The following IL1RAPL1 variants were observed in gnomAD, a reference collection of about 807,000 sequenced individuals.
IL1RAPL1 encodes the protein interleukin 1 receptor accessory protein like 1, also known as interleukin-1 receptor accessory protein-like 1.
IL1RAPL1 carries 3 observed loss-of-function variants against 48.4 expected under a neutral mutation model. The ratio of observed to expected loss-of-function variants is 0.06; its 90% CI spans 0.03 to 0.16. IL1RAPL1 has a LOEUF of 0.16. IL1RAPL1 is among the 10% of genes least tolerant of loss of function. IL1RAPL1 has a pLI of 1.00. For missense variants in IL1RAPL1, 349 were observed against 530.6 expected (o/e 0.66, Z 3.36); for synonymous variants, 185 against 187.7 (o/e 0.99, Z 0.12).
intron 5 of IL1RAPL1, among the ~76,000 whole-genome samples, chrX:29,561,868 C>T (rs951776523): frequency 6.3e-5 from 7 of 111,084 alleles, no homozygotes; most frequent in African/African-American, 2.3e-4. Flanking sequence ...TAATGTCACT[C>T]TTCTCTGAAT....
At chrX:28,757,495 G>A (rs1936118500) in intron 1 of IL1RAPL1, among the ~76,000 whole-genome samples, 1 of 112,449 alleles carries the variant, frequency 8.9e-6, no homozygotes, top group Non-Finnish European at 1.9e-5. Context: ...CTCTTGTGCA[G>A]ACTTGGAAAG....
intron 6 of IL1RAPL1, among the ~76,000 whole-genome samples, chrX:29,889,629 A>C (rs1226025986): frequency 8.9e-6 from 1 of 112,006 alleles, no homozygotes; most frequent in Non-Finnish European, 1.9e-5. Flanking sequence ...GCGTCCATAC[A>C]TACATGTGTG....
At chrX:29,442,074 G>A (rs1465335405) in intron 5 of IL1RAPL1, among the ~76,000 whole-genome samples, 1 of 111,797 alleles carries the variant, frequency 8.9e-6, no homozygotes, top group African/African-American at 3.3e-5. Context: ...TTTATCCAAA[G>A]TTTTGTTTTT....
intron 6 of IL1RAPL1, among the ~76,000 whole-genome samples, chrX:29,823,871 A>G (rs947774321): frequency 2.7e-5 from 3 of 111,716 alleles, no homozygotes; most frequent in Non-Finnish European, 3.8e-5. Context: ...TCTGAAGAAC[A>G]GCTGCTCTAA....
At chrX:28,643,796 G>A (rs754958492) in intron 1 of IL1RAPL1, among the ~76,000 whole-genome samples, 1 of 111,938 alleles carries the variant, frequency 8.9e-6, no homozygotes, top group South Asian at 3.7e-4. Flanking sequence ...ACATCTGCCT[G>A]CTTTCCCTTC....
At chrX:29,752,152 C>G (rs1311323442) in intron 6 of IL1RAPL1, among the ~76,000 whole-genome samples, 2 of 98,720 alleles carry the variant, frequency 2.0e-5, no homozygotes, top group African/African-American at 7.4e-5. Flanking sequence ...TTTTAATGTA[C>G]TTTTATTGTA....
intron 5 of IL1RAPL1, among the ~76,000 whole-genome samples, chrX:29,562,078 A>G (rs1277546125): frequency 6.0e-5 from 5 of 83,161 alleles, no homozygotes; most frequent in African/African-American, 1.5e-4. Context: ...CTATCTATCT[A>G]TCTAATCTAT....
chrX:29,821,443 CTG>C (rs1476125363), intron 6 of IL1RAPL1, among the ~76,000 whole-genome samples: 2 of 98,790 alleles, frequency 2.0e-5, no homozygotes, highest in East Asian at 6.5e-4. Context: ...GAGCGAGACT[CTG>C]TCTCAAAAAT....
At chrX:29,692,965 C>T (rs1412223585) in intron 6 of IL1RAPL1, among the ~76,000 whole-genome samples, 1 of 111,855 alleles carries the variant, frequency 8.9e-6, no homozygotes, top group Admixed American at 9.5e-5. Flanking sequence ...CTCCAATATC[C>T]AGCCTGTCTT....
chrX:29,123,012 T>TATTG (rs1928827551), intron 2 of IL1RAPL1, among the ~76,000 whole-genome samples: 1 of 66,591 alleles, frequency 1.5e-5, no homozygotes, highest in East Asian at 4.8e-4. Flanking sequence ...ACGTTTTATT[T>TATTG]ATTTATTTAT....
chrX:28,644,129 A>C (rs745618092), intron 1 of IL1RAPL1, among the ~76,000 whole-genome samples: 2 of 111,527 alleles, frequency 1.8e-5, no homozygotes, highest in South Asian at 7.5e-4. Context: ...TTATATATAT[A>C]TATAATATAC....
intron 1 of IL1RAPL1, among the ~76,000 whole-genome samples, chrX:28,767,427 T>G (rs1220524068): frequency 9.0e-6 from 1 of 111,099 alleles, no homozygotes; most frequent in Non-Finnish European, 1.9e-5. Flanking sequence ...ATAGTTGATA[T>G]GGAAAATACA....
chrX:28,828,236 C>T (rs1180556472), intron 2 of IL1RAPL1, among the ~76,000 whole-genome samples: 1 of 111,719 alleles, frequency 9.0e-6, no homozygotes, highest in Non-Finnish European at 1.9e-5. Context: ...GAACATCAGT[C>T]TATATGAAGT....
At chrX:28,882,279 G>A (rs765139779) in intron 2 of IL1RAPL1, among the ~76,000 whole-genome samples, 1 of 111,225 alleles carries the variant, frequency 9.0e-6, no homozygotes, top group Non-Finnish European at 1.9e-5. Context: ...GGAGTGGGAT[G>A]ATATATTCAA....
At chrX:29,646,479 T>A (rs1278424594) in intron 5 of IL1RAPL1, among the ~76,000 whole-genome samples, 1 of 111,010 alleles carries the variant, frequency 9.0e-6, no homozygotes, top group Admixed American at 9.6e-5. Flanking sequence ...AAAAGCAAAT[T>A]ATGAGTCACT....
At chrX:29,559,367 GT>G (rs1922108410) in intron 5 of IL1RAPL1, among the ~76,000 whole-genome samples, 1 of 111,847 alleles carries the variant, frequency 8.9e-6, no homozygotes, top group African/African-American at 3.2e-5. Context: ...CGCTTTTCAA[GT>G]TTTTGGAAAA....
intron 2 of IL1RAPL1, among the ~76,000 whole-genome samples, chrX:29,038,899 T>A (rs779240900): frequency 2.7e-4 from 30 of 111,616 alleles, no homozygotes; most frequent in African/African-American, 9.1e-4. Flanking sequence ...AATTTCCAAT[T>A]TCAGTTTCTC....
chrX:29,615,692 T>C (rs1242103819), intron 5 of IL1RAPL1, among the ~76,000 whole-genome samples: 1 of 111,114 alleles, frequency 9.0e-6, no homozygotes, highest in Non-Finnish European at 1.9e-5. Flanking sequence ...ACTACTAAAC[T>C]TAAAAAAAAA....
intron 2 of IL1RAPL1, among the ~76,000 whole-genome samples, chrX:28,792,816 A>AAAATATAT (rs1936562170): frequency 9.9e-5 from 1 of 10,109 alleles, no homozygotes; most frequent in African/African-American, 3.4e-4. Flanking sequence ...AAAAAAAAAA[A>AAAATATAT]ATATATATAT....
Sources: gnomAD v4.1 joint callset for allele counts (sites outside exome capture counted in the v4.1 genomes callset) on GRCh38, gnomAD v4.1.1 for gene constraint, MANE v1.5 for transcripts, NCBI Gene and HGNC (gene_info 2026-07-23, HGNC 2026-07-21) for gene names.